The following RGS7 variants were observed in gnomAD, a reference collection of about 807,000 sequenced individuals.
The protein encoded by RGS7 is regulator of G-protein signaling 7.
Under a neutral mutation model 81.1 loss-of-function variants are expected in RGS7, and 27 were observed. That is an observed-to-expected ratio of 0.33 (90% confidence interval 0.25 to 0.46). The LOEUF is 0.46. Among genes scored for constraint, RGS7 ranks in the 20% least tolerant of loss-of-function variants. RGS7 has a pLI of 1.00. For synonymous variants in RGS7, 208 were observed against 207.7 expected (o/e 1.00, Z -0.01); for missense variants, 396 against 607.4 (o/e 0.65, Z 3.66).
At chr1:241,236,420 G>A (rs2075981394) in intron 2 of RGS7, among the ~76,000 whole-genome samples, 1 of 152,092 alleles carries the variant, frequency 6.6e-6, no homozygotes, top group South Asian at 2.1e-4. Flanking sequence ...AATCTTCCAC[G>A]GATGCTAATA....
At chr1:241,344,041 T>C (rs2082733804) in intron 2 of RGS7, among the ~76,000 whole-genome samples, 1 of 152,208 alleles carries the variant, frequency 6.6e-6, no homozygotes, top group Non-Finnish European at 1.5e-5. Context: ...AAGTGCCTTA[T>C]GTACAAACTA....
At chr1:240,840,088 T>G (rs1695362632) in intron 9 of RGS7, among the ~76,000 whole-genome samples, 1 of 152,132 alleles carries the variant, frequency 6.6e-6, no homozygotes, top group Non-Finnish European at 1.5e-5. Context: ...GCCTTCTTAT[T>G]TGTTCTAATT....
intron 3 of RGS7, among the ~76,000 whole-genome samples, chr1:241,096,921 T>G (rs2064295171): frequency 6.6e-6 from 1 of 152,182 alleles, no homozygotes; most frequent in African/African-American, 2.4e-5. Flanking sequence ...TGCATTTATC[T>G]GCCTGAATTC....
chr1:240,976,725 CTCTATCTATCTA>C lies in RGS7; in HGVS notation c.226+6342_226+6353del, dbSNP rs3044718. 8.7e-3 allele frequency among the ~76,000 whole-genome samples: 1,295 copies of C among 148,152 alleles called. 18 individuals are homozygous for C. Among genetic ancestry groups the C allele is most frequent in the African/African-American group, 0.025 (1,020 of 40,106 alleles). ...ATTGTGTGAGCAAATTCCTCAAAAT[CTCTATCTATCTA>C]TCTATCTATCTATCTATCTATCTAT... On this transcript the variant is annotated intron_variant, in intron 4 of 18. Coordinates refer to ENST00000440928, the MANE Select transcript of RGS7 (RefSeq NM_001364886.1).
intron 18 of RGS7, among the ~76,000 whole-genome samples, chr1:240,789,439 G>A (rs775216528): frequency 6.6e-6 from 1 of 152,238 alleles, no homozygotes; most frequent in Non-Finnish European, 1.5e-5. Context: ...GACTGCTGGT[G>A]AGCCAGGCAG....
At chr1:241,278,464 CTT>C (rs2078314201) in intron 2 of RGS7, among the ~76,000 whole-genome samples, 1 of 152,158 alleles carries the variant, frequency 6.6e-6, no homozygotes, top group South Asian at 2.1e-4. Context: ...TATCACTTGT[CTT>C]TGCACGAAGT....
At chr1:241,277,734 C>G (rs1305166579) in intron 2 of RGS7, among the ~76,000 whole-genome samples, 1 of 152,030 alleles carries the variant, frequency 6.6e-6, no homozygotes, top group Non-Finnish European at 1.5e-5. Context: ...CTTGTGCGTA[C>G]ATTACTCAAA....
rs1176603265 is a variant in RGS7, at chr1:241,121,628, T to C, written c.79-22866A>G. ...AGAATATACTGCTCTAAATTTCTTA[T>C]CATGATAAACTTGGAACTTTGAAGT... On this transcript the variant is annotated intron_variant, in intron 2 of 18. Transcript: ENST00000440928. 2.0e-5 allele frequency among the ~76,000 whole-genome samples: 3 copies of C among 151,446 alleles called. No homozygotes were observed. In the East Asian group the frequency reaches 5.8e-4, roughly 29 times the overall value.
At chr1:241,133,719 T>G (rs1385874980) in intron 2 of RGS7, among the ~76,000 whole-genome samples, 1 of 152,186 alleles carries the variant, frequency 6.6e-6, no homozygotes, top group African/African-American at 2.4e-5. Context: ...CAAATTTAGT[T>G]CCCTGATCCT....
At chr1:241,138,225 TAATC>T (rs2067670517) in intron 2 of RGS7, among the ~76,000 whole-genome samples, 1 of 143,532 alleles carries the variant, frequency 7.0e-6, no homozygotes, top group South Asian at 2.2e-4. Flanking sequence ...AACTAAACCA[TAATC>T]AAGCCCTAAA....
chr1:241,245,721 T>C (rs55966233), intron 2 of RGS7, among the ~76,000 whole-genome samples: 16,317 of 147,332 alleles, frequency 0.11, 1,109 homozygotes, highest in East Asian at 0.32. Flanking sequence ...GCAGGAGAAT[T>C]ACTTGAATCT....
intron 2 of RGS7, among the ~76,000 whole-genome samples, chr1:241,295,122 A>T (rs565747295): frequency 1.3e-5 from 2 of 152,310 alleles, no homozygotes; most frequent in African/African-American, 4.8e-5. Flanking sequence ...AGTTACTTTC[A>T]TAATTTAAAA....
At chr1:241,090,456 C>T (rs1380175129) in intron 3 of RGS7, among the ~76,000 whole-genome samples, 1 of 152,010 alleles carries the variant, frequency 6.6e-6, no homozygotes, top group Non-Finnish European at 1.5e-5. Flanking sequence ...AGCGAAAATA[C>T]TGTATACACA....
At chr1:241,006,129 A>G (rs2058679275) in intron 3 of RGS7, among the ~76,000 whole-genome samples, 1 of 152,170 alleles carries the variant, frequency 6.6e-6, no homozygotes, top group Admixed American at 6.5e-5. Flanking sequence ...AGGATAAAAA[A>G]AAACCCAGTG....
intron 18 of RGS7, among the ~76,000 whole-genome samples, chr1:240,798,019 G>T (rs1364327745): frequency 1.3e-5 from 2 of 152,094 alleles, no homozygotes; most frequent in Non-Finnish European, 2.9e-5. Flanking sequence ...AAAAGAAAAA[G>T]CTTGCTTCGA....
rs1242237894 is a variant in RGS7, at chr1:241,336,238, G to A, written c.78+19461C>T. ...ACTAAGAAAGGAAATGCTGCAGAGAGTGTCCAACTTCTAAGAGGCATCATC... is the reference window on the plus strand; with the variant it reads ...ACTAAGAAAGGAAATGCTGCAGAGAATGTCCAACTTCTAAGAGGCATCATC... On this transcript the variant is annotated intron_variant, in intron 2 of 18. Transcript: ENST00000440928. Among the ~76,000 whole-genome samples, 4 of 152,134 alleles carry A rather than the reference G, an allele frequency of 2.6e-5. No individual in the cohort carries two copies. The East Asian group carries it at 7.7e-4, about 29-fold the overall frequency.
chr1:240,814,333 C>A (rs567891777), intron 12 of RGS7, among the ~76,000 whole-genome samples: 1 of 152,288 alleles, frequency 6.6e-6, no homozygotes, highest in South Asian at 2.1e-4. Flanking sequence ...CAGGCAGGAA[C>A]AGTGTCAATT....
intron 2 of RGS7, among the ~76,000 whole-genome samples, chr1:241,235,268 G>T (rs1241921504): frequency 6.6e-6 from 1 of 152,208 alleles, no homozygotes; most frequent in Non-Finnish European, 1.5e-5. Flanking sequence ...ACATTGAATG[G>T]CAGATCTGAT....
chr1:240,889,952 G>C (rs557944903), intron 6 of RGS7, among the ~76,000 whole-genome samples: 61 of 152,250 alleles, frequency 4.0e-4, no homozygotes, highest in African/African-American at 1.3e-3. Context: ...ACAGGGATTT[G>C]TCTGACCCGT....
Sources: gnomAD v4.1 joint callset for allele counts (sites outside exome capture counted in the v4.1 genomes callset) on GRCh38, gnomAD v4.1.1 for gene constraint, MANE v1.5 for transcripts, NCBI Gene and HGNC (gene_info 2026-07-23, HGNC 2026-07-21) for gene names.